The following TRHDE variants were observed in gnomAD, a reference collection of about 807,000 sequenced individuals.
TRHDE encodes the protein thyrotropin-releasing hormone-degrading ectoenzyme.
A neutral mutation model predicts 125.7 loss-of-function variants in TRHDE; 72 were observed. The ratio of observed to expected loss-of-function variants is 0.57; its 90% CI spans 0.47 to 0.70. The LOEUF is 0.70. Among genes scored for constraint, TRHDE ranks in the 30% least tolerant of loss-of-function variants. TRHDE has a pLI of 0.00. For missense variants in TRHDE, 1,110 were observed against 1,327.1 expected, an observed-to-expected ratio of 0.84 and a Z score of 2.54; for synonymous variants, 509 against 509.1, an observed-to-expected ratio of 1.00 and a Z score of 0.00.
chr12:72,629,869 G>A (rs1469461817), intron 15 of TRHDE, among the ~76,000 whole-genome samples: 8 of 151,080 alleles, frequency 5.3e-5, no homozygotes, highest in Admixed American at 4.0e-4. Context: ...TGTGATTAAG[G>A]CTTAAGACTG....
rs1875193136 is a variant in TRHDE at position 72,669,287 on chromosome 12, G to A, written c.*6092G>A. 6.6e-6 allele frequency: 1 copy of A among 151,782 alleles called. No individual in the cohort carries two copies. The highest frequency in any genetic ancestry group is 1.5e-5 in the Non-Finnish European group (1 of 67,860). 9.4% of individuals were successfully genotyped at this position (151,782 alleles called of 1,614,324 possible). On this transcript the variant is annotated 3_prime_UTR_variant, in exon 19 of 19. Coordinates refer to ENST00000261180, the MANE Select transcript of TRHDE (RefSeq NM_013381.3). ...GCAGTGAGGTCAGAGAAGTATCTCT[G>A]TCATTCTGCTTAGAAGTATACATGG... is the stretch of plus-strand genomic sequence containing the variant.
chr12:72,435,618 T>A (rs1372913480), intron 3 of TRHDE, among the ~76,000 whole-genome samples: 1 of 151,400 alleles, frequency 6.6e-6, no homozygotes, highest in Non-Finnish European at 1.5e-5. Flanking sequence ...AGTACTTGAA[T>A]GAAAATAGAT....
At chr12:72,352,094 G>T (rs1041509318) in intron 2 of TRHDE, among the ~76,000 whole-genome samples, 1 of 151,786 alleles carries the variant, frequency 6.6e-6, no homozygotes, top group African/African-American at 2.4e-5. Flanking sequence ...ATGAACGTTT[G>T]TCTCCTCTGC....
At chr12:72,195,955 T>C (rs908398248) in intron 2 of TRHDE, among the ~76,000 whole-genome samples, 2 of 152,212 alleles carry the variant, frequency 1.3e-5, no homozygotes, top group Non-Finnish European at 2.9e-5. Flanking sequence ...GCTAGCCAGC[T>C]ATCCAAGCAC....
At chr12:72,653,247 G>A in intron 17 of TRHDE, 91 bp downstream of exon 17, 1 of 1,046,012 alleles carries the variant, frequency 9.6e-7, no homozygotes, top group Non-Finnish European at 1.3e-6. Context: ...TAAGATCCAT[G>A]CAATAGGTTT....
intron 12 of TRHDE, among the ~76,000 whole-genome samples, chr12:72,613,966 C>T (rs2136071651): frequency 6.6e-6 from 1 of 152,168 alleles, no homozygotes; most frequent in Non-Finnish European, 1.5e-5. Flanking sequence ...CCTCAGGAAA[C>T]TTTTACTCAT....
At chr12:72,582,158 A>T in intron 12 of TRHDE, 1 of 508,678 alleles carries the variant, frequency 2.0e-6, no homozygotes, top group African/African-American at 2.1e-5. Context: ...AGTCATCAGT[A>T]GTGCATAATA....
intron 6 of TRHDE, among the ~76,000 whole-genome samples, chr12:72,514,168 C>T (rs941085764): frequency 6.6e-6 from 1 of 152,074 alleles, no homozygotes; most frequent in African/African-American, 2.4e-5. Flanking sequence ...CATATCTCAT[C>T]TCAAAAGATT....
chr12:72,647,891 GAGGAACAC>G (rs1198430287), intron 15 of TRHDE, among the ~76,000 whole-genome samples: 1 of 152,014 alleles, frequency 6.6e-6, no homozygotes, highest in Non-Finnish European at 1.5e-5. Context: ...AAAAATTGAT[GAGGAACAC>G]TTCCAAACTT....
intron 3 of TRHDE, among the ~76,000 whole-genome samples, chr12:72,415,150 GCTC>G (rs1222271956): frequency 2.6e-5 from 4 of 152,032 alleles, no homozygotes; most frequent in African/African-American, 9.7e-5. Flanking sequence ...GCATTGCCCA[GCTC>G]CTCAACACCT....
At chr12:72,189,564 T>C (rs971126822) in intron 2 of TRHDE, among the ~76,000 whole-genome samples, 2 of 152,124 alleles carry the variant, frequency 1.3e-5, no homozygotes, top group African/African-American at 2.4e-5. Flanking sequence ...AACGTGTAAC[T>C]TGAGATTGGA....
At chr12:72,456,864 T>C (rs1875880081) in intron 3 of TRHDE, among the ~76,000 whole-genome samples, 1 of 152,138 alleles carries the variant, frequency 6.6e-6, no homozygotes, top group Non-Finnish European at 1.5e-5. Context: ...CTGTATTTCA[T>C]TTCTTGATCT....
At chr12:72,104,269 C>T (rs914911991) in intron 1 of TRHDE, among the ~76,000 whole-genome samples, 1 of 152,122 alleles carries the variant, frequency 6.6e-6, no homozygotes, top group Non-Finnish European at 1.5e-5. Flanking sequence ...AGACCAAGCT[C>T]AACTATGTGG....
At chr12:72,149,973 A>G (rs1440955672) in intron 2 of TRHDE, among the ~76,000 whole-genome samples, 1 of 152,174 alleles carries the variant, frequency 6.6e-6, no homozygotes, top group African/African-American at 2.4e-5. Flanking sequence ...TTTATAAATA[A>G]TACAGGTTCA....
intron 18 of TRHDE, 119 bp from the exon 19 acceptor site, chr12:72,662,933 G>A: frequency 1.9e-6 from 2 of 1,028,498 alleles, no homozygotes; most frequent in South Asian, 1.7e-5. Flanking sequence ...TAGTGGTCAT[G>A]GCATTTTGTT....
chr12:72,638,791 T>A (rs1873890479), intron 15 of TRHDE, among the ~76,000 whole-genome samples: 1 of 152,122 alleles, frequency 6.6e-6, no homozygotes, highest in Non-Finnish European at 1.5e-5. Flanking sequence ...TATGAAATTC[T>A]GGGTTGAAAA....
At chr12:72,409,513 A>G (rs1450608541) in intron 3 of TRHDE, among the ~76,000 whole-genome samples, 1 of 152,174 alleles carries the variant, frequency 6.6e-6, no homozygotes, top group African/African-American at 2.4e-5. Context: ...AGTGACAAGC[A>G]ACACTCCTGA....
intron 2 of TRHDE, among the ~76,000 whole-genome samples, chr12:72,156,917 T>C (rs1011950154): frequency 1.3e-5 from 2 of 152,154 alleles, no homozygotes; most frequent in African/African-American, 4.8e-5. Flanking sequence ...ATAGAATGTT[T>C]GGTAGCAATG....
chr12:72,324,105 T>G (rs1305385075), intron 2 of TRHDE, among the ~76,000 whole-genome samples: 1 of 152,092 alleles, frequency 6.6e-6, no homozygotes, highest in Non-Finnish European at 1.5e-5. Context: ...TTGATTCACT[T>G]TCTTCCTTGG....
Sources: allele counts gnomAD v4.1 joint callset (sites outside exome capture counted in the v4.1 genomes callset), GRCh38; gene constraint gnomAD v4.1.1; transcripts MANE v1.5; gene names NCBI Gene and HGNC (gene_info 2026-07-23, HGNC 2026-07-21).